MAEL: variants seen among roughly 807,000 people sequenced by gnomAD.
MAEL encodes the protein maelstrom spermatogenic transposon silencer.
A neutral mutation model predicts 62.0 loss-of-function variants in MAEL; 46 were observed. The ratio of observed to expected loss-of-function variants is 0.74; its 90% CI spans 0.59 to 0.95. MAEL has a LOEUF of 0.95. MAEL is among the 40% of genes least tolerant of loss of function. The pLI, the probability that MAEL is intolerant of heterozygous loss-of-function variation, is 0.00. For missense variants in MAEL, 497 were observed against 526.8 expected (o/e 0.94, Z 0.55); for synonymous variants, 172 against 175.5 (o/e 0.98, Z 0.16).
chr1:166,984,715 A>C (rs1374856783), upstream of MAEL, among the ~76,000 whole-genome samples: 1 of 152,142 alleles, frequency 6.6e-6, no homozygotes, highest in Non-Finnish European at 1.5e-5. Context: ...CAGCAACACT[A>C]ACTAGTCTTC....
intron 4 of MAEL, 138 bp downstream of exon 4, chr1:166,992,979 T>C: frequency 1.4e-6 from 1 of 729,854 alleles, no homozygotes; most frequent in Non-Finnish European, 2.0e-6. Context: ...TTCATAATGC[T>C]TATTGAAAAA....
chr1:167,000,492 A>G (rs571435933), intron 5 of MAEL, among the ~76,000 whole-genome samples: 2 of 152,192 alleles, frequency 1.3e-5, no homozygotes, highest in Non-Finnish European at 2.9e-5. Context: ...GATGGAACCT[A>G]CTCCTAGTGA....
chr1:167,001,022 T>C (rs1001180566), intron 5 of MAEL, among the ~76,000 whole-genome samples: 10 of 152,068 alleles, frequency 6.6e-5, no homozygotes, highest in African/African-American at 2.2e-4. Flanking sequence ...AATCAACAAG[T>C]GAATAAGGAA....
rs116560267 is a variant in MAEL at position 167,014,979 on chromosome 1, G to A, written c.846-1243G>A. ...GTGGAGGTTGCAGTGAGCAGAGATC[G>A]CGCCTCATAGCTAAATATGAACACA... is the stretch of plus-strand genomic sequence containing the variant. On this transcript the variant is annotated intron_variant, in intron 8 of 11. Coordinates refer to ENST00000367872, the MANE Select transcript of MAEL (RefSeq NM_032858.3). 5.0e-3 allele frequency among the ~76,000 whole-genome samples: 757 copies of A among 152,132 alleles called. 4 individuals carry two copies. The highest frequency in any genetic ancestry group is 7.8e-3 in the Non-Finnish European group (530 of 67,946).
chr1:167,010,495 G>GAA (rs1665124933), intron 8 of MAEL, among the ~76,000 whole-genome samples: 1 of 151,882 alleles, frequency 6.6e-6, no homozygotes, highest in Non-Finnish European at 1.5e-5. Flanking sequence ...ACCCCAGCCG[G>GAA]AATACAGTGA....
chr1:167,001,486 C>T (rs557020589), intron 5 of MAEL, among the ~76,000 whole-genome samples: 5 of 152,258 alleles, frequency 3.3e-5, no homozygotes, highest in Admixed American at 2.0e-4. Flanking sequence ...GGTGATCATT[C>T]GTATTTTTAG....
At chr1:167,003,090 T>C (rs1571259232) in intron 5 of MAEL, among the ~76,000 whole-genome samples, 1 of 152,224 alleles carries the variant, frequency 6.6e-6, no homozygotes, top group African/African-American at 2.4e-5. Flanking sequence ...TGCATCTCTT[T>C]GGGGGAGAGT....
intron 8 of MAEL, among the ~76,000 whole-genome samples, chr1:167,007,585 GTGTGTGTGTGTGTA>G (rs761299989): frequency 0.078 from 10,868 of 139,428 alleles, 464 homozygotes; most frequent in African/African-American, 0.14. Flanking sequence ...GTGTGTGTGT[GTGTGTGTGTGTGTA>G]TGTACACACA....
At chr1:167,017,041 G>A (rs1238540190) in intron 9 of MAEL, among the ~76,000 whole-genome samples, 1 of 152,046 alleles carries the variant, frequency 6.6e-6, no homozygotes, top group Non-Finnish European at 1.5e-5. Context: ...TACAAAAAAT[G>A]GTTTGAATGA....
At chr1:166,999,839 G>A (rs1021680536) in intron 5 of MAEL, among the ~76,000 whole-genome samples, 2 of 152,118 alleles carry the variant, frequency 1.3e-5, no homozygotes, top group African/African-American at 4.8e-5. Flanking sequence ...AGAGCTCTTA[G>A]GAAATTATGC....
In MAEL at chr1:167,016,267, T is replaced by C. The variant is rs921875786; in HGVS notation, c.891T>C (p.Ala297=). ...ATGATATTCTCTTCTGTGCTTTAGC[T>C]GTTTGCAAGAAGATTGCGTAAGTTG... is the stretch of plus-strand genomic sequence containing the variant. ...EENDILFCAL[A]VCKKIAYCIS... is the part of the protein sequence containing the mutation. The change falls in exon 9 of 12, where the codon GCT becomes GCC. Residue 297 remains alanine, a synonymous_variant. Transcript: ENST00000367872. The C allele has an allele frequency of 2.5e-6, 4 of 1,613,708 alleles. No individual in the cohort carries two copies. The highest frequency in any genetic ancestry group is 1.3e-5 in the African/African-American group (1 of 75,028).
intron 5 of MAEL, among the ~76,000 whole-genome samples, chr1:167,001,038 AGTATATATATGTGT>A (rs1483854574): frequency 6.6e-6 from 1 of 152,236 alleles, no homozygotes; most frequent in Non-Finnish European, 1.5e-5. Flanking sequence ...AGGAAACTGT[AGTATATATATGTGT>A]GTATATATAT....
chr1:166,997,006 T>G (rs1432393567), intron 5 of MAEL, among the ~76,000 whole-genome samples: 1 of 152,142 alleles, frequency 6.6e-6, no homozygotes, highest in Non-Finnish European at 1.5e-5. Context: ...TTTTGTATCT[T>G]TAGTAGAGAC....
chr1:167,019,685 C>T (rs1466886103), intron 10 of MAEL, among the ~76,000 whole-genome samples: 5 of 152,038 alleles, frequency 3.3e-5, no homozygotes, highest in African/African-American at 1.2e-4. Context: ...TGTCCTTGAT[C>T]GTGGCCTCCA....
intron 11 of MAEL, 90 bp from the exon 12 acceptor site, chr1:167,021,578 A>G (rs1213106958): frequency 1.2e-5 from 11 of 892,398 alleles, no homozygotes; most frequent in Non-Finnish European, 1.9e-5. Flanking sequence ...TGAAAGGCCT[A>G]CAGTAGGATG....
intron 8 of MAEL, among the ~76,000 whole-genome samples, chr1:167,006,457 G>A (rs1444348388): frequency 2.0e-5 from 3 of 151,726 alleles, no homozygotes; most frequent in Non-Finnish European, 4.4e-5. Context: ...TACCACAGAA[G>A]GGATTATGTG....
At position 167,017,897 on chromosome 1, in the gene MAEL, G is replaced by A. The variant is rs1398920415; in HGVS notation, c.979G>A (p.Asp327Asn). 9.3e-6 allele frequency: 15 copies of A among 1,613,316 alleles called. No homozygotes were observed. The highest frequency in any genetic ancestry group is 1.3e-5 in the Non-Finnish European group (15 of 1,179,612). The change falls in exon 10 of 12, where the codon GAT becomes AAT. Residue 327 changes from aspartate (D) to asparagine (N), a missense_variant. Physicochemically the swap from Asp to Asn is conservative, Grantham distance 23 (BLOSUM62 1). Coordinates refer to ENST00000367872, the MANE Select transcript of MAEL (RefSeq NM_032858.3). ...CACAGAGGCTCATGTACCACTACAA[G>A]ATTATGAGGCCAGCAATAGTGTGAC... The part of the protein sequence containing the change: ...QLTEAHVPLQ[D>N]YEASNSVTPK...
chr1:167,003,154 T>C (rs949201562), intron 5 of MAEL, among the ~76,000 whole-genome samples: 2 of 152,142 alleles, frequency 1.3e-5, no homozygotes, highest in Non-Finnish European at 2.9e-5. Context: ...AGTGGTATGA[T>C]CATAATTCAC....
At chr1:166,996,205 G>A (rs1414566970) in intron 5 of MAEL, among the ~76,000 whole-genome samples, 1 of 152,198 alleles carries the variant, frequency 6.6e-6, no homozygotes, top group African/African-American at 2.4e-5. Context: ...ACCATGTTTT[G>A]TATAGTAACA....
Sources: allele counts gnomAD v4.1 joint callset (sites outside exome capture counted in the v4.1 genomes callset), GRCh38; gene constraint gnomAD v4.1.1; transcripts MANE v1.5; gene names NCBI Gene and HGNC (gene_info 2026-07-23, HGNC 2026-07-21).